The following ERN1 variants were observed in gnomAD, a reference collection of about 807,000 sequenced individuals.
ERN1 encodes endoplasmic reticulum to nucleus signaling 1.
In ERN1, 39 loss-of-function variants were observed where a neutral mutation model predicts 113.1. That is an observed-to-expected ratio of 0.34 (90% CI 0.27 to 0.45). The LOEUF (loss-of-function observed/expected upper bound fraction) is 0.45. Ranked by LOEUF, ERN1 falls within the 20% of genes least tolerant of loss-of-function variation. The pLI, the probability that ERN1 is intolerant of heterozygous loss-of-function variation, is 1.00. For synonymous variants in ERN1, 507 were observed against 515.9 expected (o/e 0.98, Z 0.23); for missense variants, 976 against 1,274.8 (o/e 0.77, Z 3.57).
chr17:64,079,115 A>G (rs1378906165), intron 4 of ERN1, among the ~76,000 whole-genome samples: 1 of 152,224 alleles, frequency 6.6e-6, no homozygotes, highest in Non-Finnish European at 1.5e-5. Flanking sequence ...GGGAGCTTTT[A>G]AAAAGTCCTG....
intron 2 of ERN1, among the ~76,000 whole-genome samples, chr17:64,085,556 A>G (rs987984300): frequency 1.3e-5 from 2 of 152,126 alleles, no homozygotes; most frequent in African/African-American, 4.8e-5. Context: ...AAATTTCAAC[A>G]TGAGGTTTGG....
At chr17:64,062,007 A>G (rs1337695502) in intron 10 of ERN1, among the ~76,000 whole-genome samples, 8 of 152,216 alleles carry the variant, frequency 5.3e-5, no homozygotes, top group Non-Finnish European at 1.0e-4. Context: ...GCCTTCACTG[A>G]TATCACGCTG....
chr17:64,077,164 C>A (rs1913617991), intron 4 of ERN1, among the ~76,000 whole-genome samples: 1 of 152,222 alleles, frequency 6.6e-6, no homozygotes, highest in Admixed American at 6.5e-5. Context: ...CTCCTCCCCT[C>A]TGTTTTGGTC....
chr17:64,127,560 C>G (rs539497961), intron 1 of ERN1, among the ~76,000 whole-genome samples: 1 of 152,108 alleles, frequency 6.6e-6, no homozygotes, highest in African/African-American at 2.4e-5. Context: ...TCGAGACCAA[C>G]CTGGCCAACA....
intron 1 of ERN1, among the ~76,000 whole-genome samples, chr17:64,127,906 T>C (rs908477839): frequency 1.3e-5 from 2 of 151,298 alleles, no homozygotes; most frequent in East Asian, 1.9e-4. Context: ...AACTGCAAAC[T>C]TTGCTATGAG....
In ERN1 at chr17:64,043,922, C is replaced by T. The variant is rs1912418410; in HGVS notation, c.*66G>A. On this transcript the variant is annotated 3_prime_UTR_variant, in exon 22 of 22. Coordinates refer to ENST00000433197, the MANE Select transcript of ERN1 (RefSeq NM_001433.5). The stretch of plus-strand genomic sequence containing the variant: ...CCCTGCAAAGCCGGGAGGCATCAAG[C>T]TCTAATTGTGGTGACCAGGCCCTCA... The T allele has an allele frequency of 8.7e-7, 1 of 1,143,964 alleles. No homozygotes were observed. Among genetic ancestry groups the T allele is most frequent in the Non-Finnish European group, 1.3e-6 (1 of 787,700 alleles). The allele number at this position is 1,143,964 out of a possible 1,614,324, so 70.9% of individuals were successfully genotyped here.
chr17:64,106,313 CAT>C (rs1323245369), intron 1 of ERN1, among the ~76,000 whole-genome samples: 5 of 152,184 alleles, frequency 3.3e-5, no homozygotes, highest in Non-Finnish European at 5.9e-5. Flanking sequence ...CCAGTTAGGA[CAT>C]ATGAAATCTT....
chr17:64,128,105 C>T (rs549780395), intron 1 of ERN1, among the ~76,000 whole-genome samples: 3 of 151,930 alleles, frequency 2.0e-5, no homozygotes, highest in African/African-American at 7.2e-5. Flanking sequence ...GGTGATTCTC[C>T]TGCCTCAGCC....
intron 1 of ERN1, among the ~76,000 whole-genome samples, chr17:64,100,838 ATG>A (rs1179185367): frequency 6.6e-6 from 1 of 152,182 alleles, no homozygotes; most frequent in Non-Finnish European, 1.5e-5. Context: ...AGCTCTGTGA[ATG>A]TGTTTTCTGC....
rs763894309 is a variant in ERN1 at position 64,052,764 on chromosome 17, A to G, written c.2253+16T>C. The G allele has an allele frequency of 2.5e-5, 41 of 1,608,876 alleles. No individual in the cohort carries two copies. Among genetic ancestry groups the G allele is most frequent in the Admixed American group, 1.7e-4 (10 of 59,930 alleles). ...CTGGTTCTGTAGTTTTCAAAGGGCC[A>G]TAGCCTATTACTCACAGGGTTCTCC... On this transcript the variant is annotated intron_variant, in intron 17 of 21. Transcript: ENST00000433197.
Position 64,068,256 on chromosome 17 carries a change from C to G in ERN1, c.514G>C (p.Glu172Gln). 1 of 1,613,058 alleles carries G rather than the reference C, an allele frequency of 6.2e-7. No homozygotes were observed. Among genetic ancestry groups the G allele is most frequent in the South Asian group, 1.1e-5 (1 of 90,770 alleles). Residue 172 changes from glutamate to glutamine, a missense_variant, in exon 7 of 22, where the codon GAG becomes CAG. Physicochemically the swap from Glu to Gln is conservative, Grantham distance 29 (BLOSUM62 2). This residue lies in a region of ERN1 where 459 missense variants were observed against 581.2 expected (regional missense o/e 0.79). Coordinates refer to ENST00000433197, the MANE Select transcript of ERN1 (RefSeq NM_001433.5). Reference protein sequence around the residue: ...TITMYDTKTRELRWNATYFDY... With the variant: ...TITMYDTKTRQLRWNATYFDY... ...AAGTAGGTGGCATTCCACCGGAGCT[C>G]TCGGGTTTTGGTGTCGTACATGGTG...
chr17:64,102,395 A>G (rs1397185565), intron 1 of ERN1, among the ~76,000 whole-genome samples: 1 of 152,226 alleles, frequency 6.6e-6, no homozygotes, highest in Non-Finnish European at 1.5e-5. Flanking sequence ...GAATTCTGTC[A>G]ATCACAATGT....
chr17:64,073,501 A>T (rs1175918120), intron 5 of ERN1, among the ~76,000 whole-genome samples: 2 of 140,134 alleles, frequency 1.4e-5, no homozygotes, highest in Non-Finnish European at 3.1e-5. Flanking sequence ...TTTATTTTTT[A>T]TTTTTTTTGA....
intron 1 of ERN1, among the ~76,000 whole-genome samples, chr17:64,105,411 T>G (rs1389796707): frequency 1.3e-5 from 2 of 151,680 alleles, no homozygotes; most frequent in East Asian, 1.9e-4. Context: ...ATAATAATAA[T>G]AAAAAAAAGA....
At position 64,054,708 on chromosome 17, in the gene ERN1, T is replaced by A; in HGVS notation, c.1763+30A>T. ...TGACAGGCACTTAGACACCAGGCGG[T>A]GAGGGCAGGGGGCTGGCTAATCCAC... On this transcript the variant is annotated intron_variant, in intron 14 of 21. Transcript: ENST00000433197. The surrounding 1 kb of genome is among the most constrained non-coding windows in gnomAD (Gnocchi z 4.9). The A allele has an allele frequency of 6.5e-7, 1 of 1,548,036 alleles. No individual in the cohort carries two copies. Among genetic ancestry groups the A allele is most frequent in the Non-Finnish European group, 8.8e-7 (1 of 1,135,272 alleles).
chr17:64,129,595 C>A (rs1915177686), intron 1 of ERN1: 1 of 361,824 alleles, frequency 2.8e-6, no homozygotes, highest in Admixed American at 4.7e-5. Context: ...GGCGCCCGCC[C>A]GCGAGGAGGA....
At chr17:64,051,693 T>G (rs1912689714) in intron 17 of ERN1, among the ~76,000 whole-genome samples, 1 of 152,204 alleles carries the variant, frequency 6.6e-6, no homozygotes, top group African/African-American at 2.4e-5. Context: ...GATTTGTAAA[T>G]TCCAAGAGAC....
In ERN1 at chr17:64,059,027, A is replaced by G. The variant is rs141834156; in HGVS notation, c.1207-1034T>C. 5.6e-4 allele frequency among the ~76,000 whole-genome samples: 85 copies of G among 152,336 alleles called. 1 individual carries two copies. The East Asian group carries it at 0.016, about 28-fold the overall frequency. On this transcript the variant is annotated intron_variant, in intron 11 of 21. Coordinates refer to ENST00000433197, the MANE Select transcript of ERN1 (RefSeq NM_001433.5). ...TTTTCAAAGACCGTTATCCAAGACC[A>G]GATGGTTAAATACAAAGATTTGACA... is the stretch of plus-strand genomic sequence containing the variant.
chr17:64,050,296 G>GC (rs1395781620), intron 17 of ERN1, among the ~76,000 whole-genome samples: 5 of 151,996 alleles, frequency 3.3e-5, no homozygotes, highest in Non-Finnish European at 7.4e-5. Context: ...GGTCTTTCAC[G>GC]CCCCCCACAC....
Sources: gnomAD v4.1 joint callset for allele counts (sites outside exome capture counted in the v4.1 genomes callset) on GRCh38, gnomAD v4.1.1 for gene constraint, gnomAD v4.1.1 regional missense constraint, Gnocchi (gnomAD v3.1) non-coding constraint, MANE v1.5 for transcripts, NCBI Gene and HGNC (gene_info 2026-07-23, HGNC 2026-07-21) for gene names.